Variants in CNGB3 observed in about 807,000 individuals in gnomAD.
CNGB3 encodes cyclic nucleotide gated channel subunit beta 3, also known as cyclic nucleotide-gated channel beta-3.
Under a neutral mutation model 92.8 loss-of-function variants are expected in CNGB3, and 86 were observed. That is an observed-to-expected ratio of 0.93 (90% confidence interval 0.78 to 1.11). The LOEUF is 1.11. Ranked by LOEUF, CNGB3 falls within the 50% of genes least tolerant of loss-of-function variation. The probability of loss-of-function intolerance (pLI) is 0.00; values close to 1 mark genes in which losing one functional copy is unlikely to be tolerated. For synonymous variants in CNGB3, 333 were observed against 332.7 expected, an observed-to-expected ratio of 1.00 and a Z score of -0.01; for missense variants, 1,026 against 956.8, an observed-to-expected ratio of 1.07 and a Z score of -0.95.
At chr8:86,664,002 G>A (rs1289839715) in intron 6 of CNGB3, among the ~76,000 whole-genome samples, 1 of 152,116 alleles carries the variant, frequency 6.6e-6, no homozygotes, top group Non-Finnish European at 1.5e-5. Context: ...CTCCCCCCTT[G>A]TGAGTCTAAT....
chr8:86,650,985 A>C lies in CNGB3; in HGVS notation c.903+3027T>G, dbSNP rs952030507. 7.2e-5 allele frequency among the ~76,000 whole-genome samples: 11 copies of C among 151,982 alleles called. No individual in the cohort carries two copies. The East Asian group carries it at 2.1e-3, about 29-fold the overall frequency. On this transcript the variant is annotated intron_variant, in intron 7 of 17. Transcript: ENST00000320005. The stretch of plus-strand genomic sequence containing the variant: ...CACCATGGAATAATATTTAGACATA[A>C]AAAGGAATCAATGTCTTTTGCAGCA...
chr8:86,683,591 T>A (rs1824124415), intron 3 of CNGB3, among the ~76,000 whole-genome samples: 1 of 152,158 alleles, frequency 6.6e-6, no homozygotes, highest in East Asian at 1.9e-4. Flanking sequence ...GGAATTATAT[T>A]TTCATGAAGA....
chr8:86,649,638 A>G (rs923713860), intron 7 of CNGB3, among the ~76,000 whole-genome samples: 1 of 151,626 alleles, frequency 6.6e-6, no homozygotes, highest in Non-Finnish European at 1.5e-5. Context: ...CACTTTATAC[A>G]GAAATCAACT....
Position 86,628,230 on chromosome 8 carries a change from A to G in CNGB3, c.1480+689T>C, listed in dbSNP as rs564386178. Among the ~76,000 whole-genome samples, 114 of 152,200 alleles carry G rather than the reference A, an allele frequency of 7.5e-4. 1 individual carries two copies. The South Asian group carries it at 0.012, about 15-fold the overall frequency. ...TGCCTAGGCTGGAGTGTAGTGGTGC[A>G]TCACCACATTCTGCTAATTTTTGTA... On this transcript the variant is annotated intron_variant, in intron 12 of 17. Coordinates refer to ENST00000320005, the MANE Select transcript of CNGB3 (RefSeq NM_019098.5).
chr8:86,656,488 G>A (rs1466019257), intron 6 of CNGB3, among the ~76,000 whole-genome samples: 1 of 152,114 alleles, frequency 6.6e-6, no homozygotes, highest in Non-Finnish European at 1.5e-5. Context: ...GCCTTATGAG[G>A]ATCAGCATGC....
chr8:86,703,674 G>A (rs1586026796), intron 3 of CNGB3, among the ~76,000 whole-genome samples: 1 of 152,118 alleles, frequency 6.6e-6, no homozygotes. Context: ...CTTTTGTTCG[G>A]CAGCCTGTAC....
At chr8:86,722,896 T>C (rs1330268430) in intron 3 of CNGB3, among the ~76,000 whole-genome samples, 1 of 152,174 alleles carries the variant, frequency 6.6e-6, no homozygotes, top group African/African-American at 2.4e-5. Flanking sequence ...TATCATTGGC[T>C]TTCCCGGGTC....
chr8:86,673,821 G>T (rs1396218987), intron 3 of CNGB3, among the ~76,000 whole-genome samples: 1 of 152,174 alleles, frequency 6.6e-6, no homozygotes, highest in East Asian at 1.9e-4. Context: ...TCAGTTTGAG[G>T]TGTTTGTAGG....
At chr8:86,676,986 T>C (rs1354693207) in intron 3 of CNGB3, among the ~76,000 whole-genome samples, 1 of 152,208 alleles carries the variant, frequency 6.6e-6, no homozygotes, top group African/African-American at 2.4e-5. Context: ...AGTATGAATT[T>C]TTTTTAAAAA....
intron 2 of CNGB3, among the ~76,000 whole-genome samples, chr8:86,737,235 T>G (rs1825263887): frequency 6.6e-6 from 1 of 152,164 alleles, no homozygotes; most frequent in African/African-American, 2.4e-5. Flanking sequence ...TTTCTTCCCC[T>G]TTTTAAACAA....
chr8:86,639,864 C>T (rs1394541423), intron 10 of CNGB3, among the ~76,000 whole-genome samples: 1 of 152,040 alleles, frequency 6.6e-6, no homozygotes, highest in Non-Finnish European at 1.5e-5. Flanking sequence ...GAGAATGCTT[C>T]AGTCTAAATG....
At chr8:86,686,050 A>G (rs891569074) in intron 3 of CNGB3, among the ~76,000 whole-genome samples, 8 of 152,108 alleles carry the variant, frequency 5.3e-5, no homozygotes, top group African/African-American at 1.9e-4. Flanking sequence ...AATCTTCAAG[A>G]GGAAAATGTA....
chr8:86,595,477 C>T (rs1023589420), intron 15 of CNGB3, among the ~76,000 whole-genome samples: 1 of 152,146 alleles, frequency 6.6e-6, no homozygotes, highest in African/African-American at 2.4e-5. Flanking sequence ...ATGAGGTATA[C>T]TTTTCATGCT....
intron 15 of CNGB3, among the ~76,000 whole-genome samples, chr8:86,588,985 T>G (rs1296839352): frequency 9.9e-5 from 15 of 152,182 alleles, no homozygotes; most frequent in African/African-American, 1.7e-4. Flanking sequence ...TTTTTGGTTG[T>G]TAAGCTATTG....
chr8:86,656,783 A>T (rs867600124), intron 6 of CNGB3, among the ~76,000 whole-genome samples: 3 of 152,142 alleles, frequency 2.0e-5, no homozygotes, highest in Non-Finnish European at 4.4e-5. Flanking sequence ...AATAAACAGA[A>T]GTTGCATCAC....
chr8:86,638,593 G>C (rs1823118895), intron 10 of CNGB3, among the ~76,000 whole-genome samples: 1 of 152,094 alleles, frequency 6.6e-6, no homozygotes, highest in Admixed American at 6.6e-5. Flanking sequence ...GGTCTTATTA[G>C]AATGTAAGTG....
At chr8:86,662,778 C>G (rs1001456217) in intron 6 of CNGB3, among the ~76,000 whole-genome samples, 6 of 152,132 alleles carry the variant, frequency 3.9e-5, no homozygotes, top group African/African-American at 9.7e-5. Flanking sequence ...CTGTTTCCCC[C>G]CTTTTTAAAC....
intron 15 of CNGB3, among the ~76,000 whole-genome samples, chr8:86,596,102 A>G (rs1423627499): frequency 6.6e-6 from 1 of 152,220 alleles, no homozygotes; most frequent in Non-Finnish European, 1.5e-5. Flanking sequence ...GATCACGTTT[A>G]TGAAAATAAA....
intron 15 of CNGB3, among the ~76,000 whole-genome samples, chr8:86,586,320 GATA>G (rs1158404460): frequency 1.7e-5 from 2 of 117,610 alleles, no homozygotes; most frequent in East Asian, 4.7e-4. Context: ...AACATTAATA[GATA>G]ATATTTTTTT....
Sources: gnomAD v4.1 joint callset for allele counts (sites outside exome capture counted in the v4.1 genomes callset) on GRCh38, gnomAD v4.1.1 for gene constraint, MANE v1.5 for transcripts, NCBI Gene and HGNC (gene_info 2026-07-23, HGNC 2026-07-21) for gene names.